CNTN5: variants seen among roughly 807,000 people sequenced by gnomAD.
The protein encoded by CNTN5 is contactin-5.
A neutral mutation model predicts 129.1 loss-of-function variants in CNTN5; 77 were observed. The ratio of observed to expected loss-of-function variants is 0.60; its 90% CI spans 0.50 to 0.72. The LOEUF (loss-of-function observed/expected upper bound fraction) is 0.72, where lower values mean the gene tolerates loss of function less well. Ranked by LOEUF, CNTN5 falls within the 30% of genes least tolerant of loss-of-function variation. The pLI, the probability that CNTN5 is intolerant of heterozygous loss-of-function variation, is 0.00. For missense variants in CNTN5, 1,478 were observed against 1,328.8 expected (o/e 1.11, Z -1.75); for synonymous variants, 509 against 465.6 (o/e 1.09, Z -1.20).
At chr11:99,439,123 C>T (rs529426189) in intron 2 of CNTN5, among the ~76,000 whole-genome samples, 3 of 151,988 alleles carry the variant, frequency 2.0e-5, no homozygotes, top group Admixed American at 2.0e-4. Flanking sequence ...ATAAAAAATG[C>T]CCATGGGAGA....
intron 9 of CNTN5, among the ~76,000 whole-genome samples, chr11:100,036,952 C>A (rs1307829029): frequency 1.3e-4 from 20 of 150,340 alleles, no homozygotes; most frequent in African/African-American, 4.7e-4. Flanking sequence ...TAATTGAAGA[C>A]CCTTTATTCC....
At chr11:99,977,784 G>T (rs1938086564) in intron 8 of CNTN5, among the ~76,000 whole-genome samples, 1 of 152,136 alleles carries the variant, frequency 6.6e-6, no homozygotes, top group Admixed American at 6.5e-5. Flanking sequence ...TTAGGTGGGG[G>T]CACAGAGCAA....
intron 2 of CNTN5, among the ~76,000 whole-genome samples, chr11:99,551,109 T>C (rs1301710066): frequency 6.6e-6 from 1 of 152,146 alleles, no homozygotes; most frequent in Non-Finnish European, 1.5e-5. Context: ...AAATTTAAAG[T>C]TGTATATGAT....
intron 15 of CNTN5, among the ~76,000 whole-genome samples, chr11:100,216,453 C>T (rs962993609): frequency 4.6e-5 from 7 of 151,996 alleles, no homozygotes; most frequent in African/African-American, 1.7e-4. Context: ...CTAAATTATG[C>T]ACTTAGGTTA....
rs755174208 is a variant in CNTN5, at chr11:99,556,225, C to T, written c.11C>T (p.Ser4Phe). The T allele has an allele frequency of 5.3e-6, 8 of 1,514,322 alleles. No homozygotes were observed. Among genetic ancestry groups the T allele is most frequent in the South Asian group, 1.3e-5 (1 of 77,814 alleles). 93.8% of individuals were successfully genotyped at this position (1,514,322 alleles called of 1,614,324 possible). MAS[S>F]WKLMLFLSVT... The stretch of plus-strand genomic sequence containing the variant: ...TTCTAGTGACTGAGGATGGCTTCCT[C>T]TTGGAAACTAATGCTGTTTCTGTCA... The change falls in exon 3 of 25, where the codon TCT (serine) becomes TTT (phenylalanine). Residue 4 changes from serine (S) to phenylalanine (F), a missense_variant. Ser to Phe is a radical substitution (Grantham distance 155, BLOSUM62 -2). Transcript: ENST00000524871.
chr11:99,386,147 G>C (rs1940912654), intron 2 of CNTN5, among the ~76,000 whole-genome samples: 1 of 152,144 alleles, frequency 6.6e-6, no homozygotes, highest in South Asian at 2.1e-4. Context: ...GACTTCACTA[G>C]AGCAGGGCCC....
chr11:100,058,578 G>A (rs1316397053), intron 9 of CNTN5, among the ~76,000 whole-genome samples: 1 of 151,998 alleles, frequency 6.6e-6, no homozygotes, highest in Non-Finnish European at 1.5e-5. Flanking sequence ...CATCCTTTCT[G>A]GACATTGAAT....
intron 2 of CNTN5, among the ~76,000 whole-genome samples, chr11:99,472,128 G>A (rs1362471823): frequency 1.3e-5 from 2 of 152,070 alleles, no homozygotes; most frequent in African/African-American, 2.4e-5. Context: ...GCTACTTCCC[G>A]ATGATTTCCC....
At chr11:100,030,952 G>A (rs1941678589) in intron 9 of CNTN5, among the ~76,000 whole-genome samples, 1 of 152,088 alleles carries the variant, frequency 6.6e-6, no homozygotes. Flanking sequence ...GGTCTAAATA[G>A]ATATTAAATA....
chr11:99,978,370 G>A lies in CNTN5; in HGVS notation c.877+21361G>A, dbSNP rs1228787834. ...TTGTGATTAACTTAATATATCTTAAGTGTGCCGTGTTTATAAAGTCAACAG... is the reference window on the plus strand; with the variant it reads ...TTGTGATTAACTTAATATATCTTAAATGTGCCGTGTTTATAAAGTCAACAG... On this transcript the variant is annotated intron_variant, in intron 8 of 24. Coordinates refer to ENST00000524871, the MANE Select transcript of CNTN5 (RefSeq NM_014361.4). 2.6e-5 allele frequency among the ~76,000 whole-genome samples: 4 copies of A among 152,236 alleles called. No homozygotes were observed. In the East Asian group the frequency reaches 5.8e-4, roughly 22 times the overall value.
At chr11:99,269,469 C>A (rs1386382213) in intron 1 of CNTN5, among the ~76,000 whole-genome samples, 1 of 151,634 alleles carries the variant, frequency 6.6e-6, no homozygotes, top group Admixed American at 6.6e-5. Flanking sequence ...CACTGAACTG[C>A]ATATAGAACA....
intron 3 of CNTN5, among the ~76,000 whole-genome samples, chr11:99,778,386 T>G (rs962481733): frequency 6.6e-6 from 1 of 151,892 alleles, no homozygotes; most frequent in African/African-American, 2.4e-5. Context: ...GTTTAGACTG[T>G]ATGCTTTAAA....
chr11:99,556,554 AATATATATATATATATATATATATAT>A lies in CNTN5; in HGVS notation c.55+300_55+325del, dbSNP rs199758207. Among the ~76,000 whole-genome samples the A allele has an allele frequency of 2.8e-4, 20 of 72,332 alleles. 2 individuals carry two copies. Among genetic ancestry groups the A allele is most frequent in the Non-Finnish European group, 4.3e-4 (15 of 34,534 alleles). 47.5% of individuals were successfully genotyped at this position (72,332 alleles called of 152,430 possible). A position where few individuals can be genotyped will look rare whatever the true frequency, so the allele number is the denominator to read the frequency against. On this transcript the variant is annotated intron_variant, in intron 3 of 24. Coordinates refer to ENST00000524871, the MANE Select transcript of CNTN5 (RefSeq NM_014361.4). ...CCATCTAGCTTTCAGAAGGCTTGGA[AATATATATATATATATATATATATAT>A]ATATATATATATATCTCCCACACAT...
intron 1 of CNTN5, among the ~76,000 whole-genome samples, chr11:99,221,723 G>A (rs1860406176): frequency 6.6e-6 from 1 of 151,882 alleles, no homozygotes; most frequent in East Asian, 1.9e-4. Context: ...AAATACTCAT[G>A]CCTTTTGTAT....
intron 2 of CNTN5, among the ~76,000 whole-genome samples, chr11:99,326,583 A>T (rs901045876): frequency 6.6e-6 from 1 of 152,156 alleles, no homozygotes; most frequent in African/African-American, 2.4e-5. Flanking sequence ...TACTAGCCAC[A>T]CTCAAATTCT....
At chr11:99,309,659 A>G (rs1865023877) in intron 1 of CNTN5, among the ~76,000 whole-genome samples, 1 of 152,170 alleles carries the variant, frequency 6.6e-6, no homozygotes, top group Non-Finnish European at 1.5e-5. Flanking sequence ...CCACTATTCC[A>G]TGTTTGCTAT....
chr11:99,332,753 C>T (rs982570251), intron 2 of CNTN5, among the ~76,000 whole-genome samples: 2 of 151,748 alleles, frequency 1.3e-5, no homozygotes, highest in East Asian at 3.9e-4. Context: ...AGCAGAAAAC[C>T]CCTGCAGCTA....
intron 1 of CNTN5, among the ~76,000 whole-genome samples, chr11:99,044,611 T>C (rs921071235): frequency 6.6e-6 from 1 of 152,202 alleles, no homozygotes; most frequent in African/African-American, 2.4e-5. Context: ...TTGGATCATT[T>C]TGCCACAGAA....
chr11:99,654,056 C>T (rs1349682747), intron 3 of CNTN5, among the ~76,000 whole-genome samples: 1 of 151,862 alleles, frequency 6.6e-6, no homozygotes, highest in Non-Finnish European at 1.5e-5. Context: ...TTTTACCCTT[C>T]AGTGATGATA....
Sources: gnomAD v4.1 joint callset for allele counts (sites outside exome capture counted in the v4.1 genomes callset) on GRCh38, gnomAD v4.1.1 for gene constraint, MANE v1.5 for transcripts, NCBI Gene and HGNC (gene_info 2026-07-23, HGNC 2026-07-21) for gene names.